The following SSBP3 variants were observed in gnomAD, a reference collection of about 807,000 sequenced individuals.
The protein encoded by SSBP3 is single-stranded DNA-binding protein 3.
SSBP3 carries 5 observed loss-of-function variants against 69.6 expected under a neutral mutation model. The ratio of observed to expected loss-of-function variants is 0.07; its 90% CI spans 0.04 to 0.15. The LOEUF (loss-of-function observed/expected upper bound fraction) is 0.15, where lower values mean the gene tolerates loss of function less well. SSBP3 is among the 10% of genes least tolerant of loss of function. The probability of loss-of-function intolerance (pLI) is 1.00; values close to 1 mark genes in which losing one functional copy is unlikely to be tolerated. For synonymous variants in SSBP3, 196 were observed against 193.4 expected (o/e 1.01, Z -0.11); for missense variants, 312 against 534.0 (o/e 0.58, Z 4.10).
Position 54,239,252 on chromosome 1 carries a change from AAAAC to A in SSBP3, c.857-57_857-54del. 3 of 1,433,362 alleles carry A rather than the reference AAAAC, an allele frequency of 2.1e-6. No homozygotes were observed. In the South Asian group the frequency reaches 3.7e-5, roughly 18 times the overall value. The allele number at this position is 1,433,362 out of a possible 1,614,324, so 88.8% of individuals were successfully genotyped here. On this transcript the variant is annotated intron_variant, in intron 13 of 17. Coordinates refer to ENST00000610401, the Ensembl canonical transcript of SSBP3. Reference sequence around the variant, plus strand: ...GGGGTGATTAATTCGTTTCTTAATTAAAACAAACTCATGGCACTGGAACTCATTC... The same window carrying A: ...GGGGTGATTAATTCGTTTCTTAATTAAAACTCATGGCACTGGAACTCATTC...
At chr1:54,386,825 C>T (rs1402705735) in intron 4 of SSBP3, among the ~76,000 whole-genome samples, 1 of 151,284 alleles carries the variant, frequency 6.6e-6, no homozygotes, top group African/African-American at 2.4e-5. Context: ...TAGGCGCACA[C>T]CACCTCACCC....
intron 4 of SSBP3, among the ~76,000 whole-genome samples, chr1:54,312,582 C>T (rs1274059216): frequency 2.0e-5 from 3 of 152,086 alleles, no homozygotes; most frequent in African/African-American, 7.2e-5. Context: ...TGCAGGATTA[C>T]ATAGAGGACC....
Position 54,238,166 on chromosome 1 carries a change from G to T in SSBP3, c.927+963C>A, listed in dbSNP as rs1427594642. The T allele has an allele frequency of 4.9e-5, 23 of 470,942 alleles. No individual in the cohort carries two copies. In the Admixed American group the frequency reaches 5.4e-4, roughly 11 times the overall value. 29.2% of individuals were successfully genotyped at this position (470,942 alleles called of 1,614,324 possible). ...GAAACCATCCCTCAGAGGGCTGCTGGATGTAGGCAATATCCAGCACAGGGC... is the reference window on the plus strand; with the variant it reads ...GAAACCATCCCTCAGAGGGCTGCTGTATGTAGGCAATATCCAGCACAGGGC... On this transcript the variant is annotated intron_variant, in intron 14 of 17. Transcript: ENST00000610401.
intron 4 of SSBP3, among the ~76,000 whole-genome samples, chr1:54,390,402 G>A (rs921805127): frequency 2.0e-5 from 3 of 152,024 alleles, no homozygotes; most frequent in Non-Finnish European, 2.9e-5. Flanking sequence ...TTCTCTTCCA[G>A]CTCTCTCTGA....
intron 4 of SSBP3, among the ~76,000 whole-genome samples, chr1:54,389,703 A>T (rs1035560905): frequency 6.6e-6 from 1 of 151,656 alleles, no homozygotes; most frequent in Non-Finnish European, 1.5e-5. Flanking sequence ...CCAAAAAAAA[A>T]TAAAAAAATA....
intron 13 of SSBP3, among the ~76,000 whole-genome samples, chr1:54,240,105 CGT>C (rs1312971355): frequency 0.088 from 860 of 9,754 alleles, 11 homozygotes; most frequent in Middle Eastern, 0.5. Flanking sequence ...CGCGCGTGTG[CGT>C]GCGCGCGCGC....
chr1:54,394,814 T>G (rs1404502871), intron 4 of SSBP3, among the ~76,000 whole-genome samples: 1 of 148,542 alleles, frequency 6.7e-6, no homozygotes, highest in East Asian at 2.1e-4. Flanking sequence ...ACCATTCTCC[T>G]GCCTCAGCCT....
chr1:54,404,185 G>GACA (rs1649520550), intron 3 of SSBP3, among the ~76,000 whole-genome samples: 1 of 152,070 alleles, frequency 6.6e-6, no homozygotes, highest in South Asian at 2.1e-4. Context: ...AAAAGGAAGG[G>GACA]ACAGGCTAGT....
intron 4 of SSBP3, among the ~76,000 whole-genome samples, chr1:54,379,190 G>A (rs1180060806): frequency 6.6e-6 from 1 of 152,240 alleles, no homozygotes; most frequent in African/African-American, 2.4e-5. Context: ...CACTTGCTAC[G>A]CAGGAGCGAC....
intron 4 of SSBP3, among the ~76,000 whole-genome samples, chr1:54,350,349 C>T (rs1235546425): frequency 2.0e-5 from 3 of 152,200 alleles, no homozygotes; most frequent in East Asian, 3.8e-4. Flanking sequence ...GCGGAACAAG[C>T]GCTGTTACTA....
At chr1:54,348,263 G>GGGGGGGGGA in intron 4 of SSBP3, among the ~76,000 whole-genome samples, 1 of 122,374 alleles carries the variant, frequency 8.2e-6, no homozygotes, top group Non-Finnish European at 1.8e-5. Context: ...GGGGGGGGCG[G>GGGGGGGGGA]GTGAGGACAG....
intron 4 of SSBP3, among the ~76,000 whole-genome samples, chr1:54,304,393 G>A (rs1444649852): frequency 6.6e-6 from 1 of 152,028 alleles, no homozygotes; most frequent in Admixed American, 6.6e-5. Flanking sequence ...AAGAGCTCTT[G>A]GGGGGATGGG....
chr1:54,306,110 TG>T (rs891382166), intron 4 of SSBP3, among the ~76,000 whole-genome samples: 3 of 151,974 alleles, frequency 2.0e-5, no homozygotes, highest in Non-Finnish European at 2.9e-5. Flanking sequence ...TGGCAGCTCC[TG>T]GGTTCATTTC....
chr1:54,382,128 A>G (rs1055954384), intron 4 of SSBP3, among the ~76,000 whole-genome samples: 3 of 152,260 alleles, frequency 2.0e-5, no homozygotes, highest in African/African-American at 7.2e-5. Context: ...CAGGAGGCAG[A>G]GGCTGCAGTG....
chr1:54,319,759 G>GA (rs577649458), intron 4 of SSBP3, among the ~76,000 whole-genome samples: 2,350 of 147,842 alleles, frequency 0.016, 31 homozygotes, highest in South Asian at 0.027. Flanking sequence ...TAGGTTTAAA[G>GA]AAAAAAAAAA....
At chr1:54,411,606 A>T (rs528021449) in intron 1 of SSBP3, among the ~76,000 whole-genome samples, 1 of 152,104 alleles carries the variant, frequency 6.6e-6, no homozygotes, top group East Asian at 1.9e-4. Flanking sequence ...AAGAAAGCAG[A>T]AGGCTGCCGG....
intron 4 of SSBP3, among the ~76,000 whole-genome samples, chr1:54,314,283 G>A (rs1440276211): frequency 1.3e-5 from 2 of 152,230 alleles, no homozygotes; most frequent in Admixed American, 1.3e-4. Context: ...CCAAGGAAGT[G>A]TATGCGGGCA....
At chr1:54,311,261 T>C (rs936859140) in intron 4 of SSBP3, among the ~76,000 whole-genome samples, 11 of 152,128 alleles carry the variant, frequency 7.2e-5, no homozygotes, top group South Asian at 2.1e-4. Flanking sequence ...CCTGACTTAA[T>C]GCACCAACTG....
chr1:54,406,839 CT>C (rs1167583164), upstream of SSBP3, among the ~76,000 whole-genome samples: 537 of 151,720 alleles, frequency 3.5e-3, 7 homozygotes, highest in Non-Finnish European at 1.7e-3. Flanking sequence ...TTATCTGCCC[CT>C]CAGCTCCCCC....
Sources: allele counts gnomAD v4.1 joint callset (sites outside exome capture counted in the v4.1 genomes callset), GRCh38; gene constraint gnomAD v4.1.1; transcripts MANE v1.5; gene names NCBI Gene and HGNC (gene_info 2026-07-23, HGNC 2026-07-21).